RBM6: variants seen among roughly 807,000 people sequenced by gnomAD.
RBM6 encodes the protein RNA binding motif protein 6.
In RBM6, 23 loss-of-function variants were observed where a neutral mutation model predicts 140.4. The ratio of observed to expected loss-of-function variants is 0.16; its 90% CI spans 0.12 to 0.23. RBM6 has a LOEUF of 0.23. Among genes scored for constraint, RBM6 ranks in the 10% least tolerant of loss-of-function variants. The probability of loss-of-function intolerance (pLI) is 1.00; values close to 1 mark genes in which losing one functional copy is unlikely to be tolerated. For missense variants in RBM6, 1,139 were observed against 1,386.7 expected, an observed-to-expected ratio of 0.82 and a Z score of 2.84; for synonymous variants, 439 against 475.6, an observed-to-expected ratio of 0.92 and a Z score of 1.00.
intron 5 of RBM6, among the ~76,000 whole-genome samples, chr3:49,991,946 T>TATTTTATTTA (rs2085845920): frequency 1.3e-5 from 2 of 151,506 alleles, no homozygotes; most frequent in African/African-American, 4.9e-5. Context: ...TATTTTATTT[T>TATTTTATTTA]ATTTATTTAT....
At chr3:49,952,266 T>C (rs2083769992) in intron 1 of RBM6, among the ~76,000 whole-genome samples, 1 of 151,948 alleles carries the variant, frequency 6.6e-6, no homozygotes, top group African/African-American at 2.4e-5. Context: ...CTTGACCTCG[T>C]GATCTACCCG....
intron 6 of RBM6, among the ~76,000 whole-genome samples, chr3:50,037,556 A>C (rs1361681057): frequency 6.6e-6 from 1 of 152,230 alleles, no homozygotes; most frequent in African/African-American, 2.4e-5. Flanking sequence ...CGTTACAGGC[A>C]GAGGGGCTAA....
chr3:50,065,453 C>T (rs2090091536), intron 16 of RBM6: 1 of 443,356 alleles, frequency 2.3e-6, no homozygotes, highest in Non-Finnish European at 4.4e-6. Flanking sequence ...TTTTCTCAGC[C>T]TCAATCTTTC....
At chr3:50,016,827 T>TTG (rs377128742) in intron 6 of RBM6, among the ~76,000 whole-genome samples, 9,099 of 105,214 alleles carry the variant, frequency 0.086, 472 homozygotes, top group Non-Finnish European at 0.12. Context: ...GCCTAGCGTT[T>TTG]TTTTTTTTTT....
At position 50,062,086 on chromosome 3, in the gene RBM6, A is replaced by G. The variant is rs778214001; in HGVS notation, c.2564A>G (p.Lys855Arg). The G allele has an allele frequency of 6.8e-6, 11 of 1,613,590 alleles. No individual in the cohort carries two copies. In the South Asian group the frequency reaches 8.8e-5, roughly 13 times the overall value. The change falls in exon 15 of 21, where the codon AAA becomes AGA. Residue 855 changes from lysine (K) to arginine (R), a missense_variant. Around this residue, in one of 9 missense-constraint regions of RBM6, gnomAD observed 163 missense variants for 182.8 expected, o/e 0.89. Coordinates refer to ENST00000266022, the MANE Select transcript of RBM6 (RefSeq NM_005777.3). The part of the protein sequence containing the change: ...KEMSKRDGKE[K>R]KDRGVTRFQE... ...ATGTCTAAAAGAGATGGCAAGGAGA[A>G]AAAAGACAGAGGAGTGACGAGGGTA...
At chr3:50,005,754 GCATCCTA>G (rs1362285073) in intron 6 of RBM6, among the ~76,000 whole-genome samples, 1 of 152,142 alleles carries the variant, frequency 6.6e-6, no homozygotes, top group Non-Finnish European at 1.5e-5. Context: ...GGAGTATCCA[GCATCCTA>G]GCCAGAGCTC....
chr3:49,978,665 ATACT>A (rs1276942074), intron 5 of RBM6, among the ~76,000 whole-genome samples: 2 of 152,204 alleles, frequency 1.3e-5, no homozygotes, highest in Non-Finnish European at 2.9e-5. Context: ...CTCAGACATA[ATACT>A]TACGCTGCAA....
At chr3:50,063,036 G>A (rs1214939339) in intron 15 of RBM6, among the ~76,000 whole-genome samples, 1 of 151,824 alleles carries the variant, frequency 6.6e-6, no homozygotes, top group Non-Finnish European at 1.5e-5. Flanking sequence ...GGGGACTACA[G>A]GCATGAGCCA....
chr3:49,974,994 G>T (rs924289377), intron 4 of RBM6, among the ~76,000 whole-genome samples: 3 of 151,032 alleles, frequency 2.0e-5, no homozygotes, highest in African/African-American at 7.3e-5. Context: ...GTCTCTCCTG[G>T]CTAATTAAGA....
At chr3:49,951,224 G>T (rs568957339) in intron 1 of RBM6, among the ~76,000 whole-genome samples, 197 of 152,258 alleles carry the variant, frequency 1.3e-3, no homozygotes, top group Non-Finnish European at 2.2e-3. Flanking sequence ...TTGTTTGTTT[G>T]TTTTTTGAGA....
At chr3:49,941,630 A>G (rs1427107400) in intron 1 of RBM6, among the ~76,000 whole-genome samples, 1 of 131,096 alleles carries the variant, frequency 7.6e-6, no homozygotes, top group African/African-American at 3.3e-5. Flanking sequence ...ACAAGAGTGA[A>G]ACTCTGTCTC....
intron 6 of RBM6, among the ~76,000 whole-genome samples, chr3:50,039,387 C>T (rs2108849608): frequency 6.6e-6 from 1 of 152,136 alleles, no homozygotes; most frequent in African/African-American, 2.4e-5. Flanking sequence ...TTAGAAGCGC[C>T]CATTACCACA....
chr3:50,069,678 A>G (rs1184580466), intron 18 of RBM6, among the ~76,000 whole-genome samples: 3 of 152,124 alleles, frequency 2.0e-5, no homozygotes, highest in Admixed American at 2.0e-4. Flanking sequence ...TCACAGAGTA[A>G]GTCCCTGTCT....
chr3:50,057,650 T>A (rs2089762048), intron 8 of RBM6, 78 bp from the exon 9 acceptor site: 2 of 1,293,980 alleles, frequency 1.5e-6, no homozygotes. Flanking sequence ...TAAGGAGAAA[T>A]TACAGTAGCA....
intron 7 of RBM6, among the ~76,000 whole-genome samples, chr3:50,051,510 A>G (rs6446197): frequency 0.62 from 93,733 of 151,916 alleles, 29,423 homozygotes; most frequent in East Asian, 0.88. Context: ...GCATGGTGGC[A>G]CATGCCTGTA....
chr3:49,965,661 C>T (rs2084478334), intron 2 of RBM6, among the ~76,000 whole-genome samples: 1 of 150,346 alleles, frequency 6.7e-6, no homozygotes, highest in Non-Finnish European at 1.5e-5. Context: ...CAGAGCGAGA[C>T]TCCGTCTCAA....
At chr3:49,968,770 C>CTTTTTTTTTTTTTTTT (rs569224640) in intron 3 of RBM6, 22 bp downstream of exon 3, 1 of 611,612 alleles carries the variant, frequency 1.6e-6, no homozygotes, top group African/African-American at 3.1e-5. Context: ...GGGTGGATTG[C>CTTTTTTTTTTTTTTTT]TTTTTTTTTT....
chr3:50,058,141 G>A (rs2089789356), intron 9 of RBM6, 138 bp downstream of exon 9: 2 of 1,139,514 alleles, frequency 1.8e-6, no homozygotes, highest in Non-Finnish European at 1.2e-6. Flanking sequence ...GGCCATTGCT[G>A]TCTGTGGACC....
At position 49,968,324 on chromosome 3, in the gene RBM6, C is replaced by T; in HGVS notation, c.899C>T (p.Thr300Ile). 1 of 1,614,170 alleles carries T rather than the reference C, an allele frequency of 6.2e-7. No individual in the cohort carries two copies. The highest frequency in any genetic ancestry group is 1.1e-5 in the South Asian group (1 of 91,086). ...PNILDYIQPS[T>I]QDREHSGMNV... ...ATTTTGGATTACATTCAGCCCTCTACACAAGATAGAGAACATTCTGGTATG... is the reference window on the plus strand; with the variant it reads ...ATTTTGGATTACATTCAGCCCTCTATACAAGATAGAGAACATTCTGGTATG... The change falls in exon 3 of 21, where the codon ACA becomes ATA. Residue 300 changes from threonine (T) to isoleucine (I), a missense_variant. Physicochemically the swap from Thr to Ile is moderately conservative, Grantham distance 89. Around this residue, in one of 9 missense-constraint regions of RBM6, gnomAD observed 566 missense variants for 612.7 expected, o/e 0.92. Coordinates refer to ENST00000266022, the MANE Select transcript of RBM6 (RefSeq NM_005777.3).
Sources: allele counts gnomAD v4.1 joint callset (sites outside exome capture counted in the v4.1 genomes callset), GRCh38; gene constraint gnomAD v4.1.1; regional missense constraint gnomAD v4.1.1; transcripts MANE v1.5; gene names NCBI Gene and HGNC (gene_info 2026-07-23, HGNC 2026-07-21).